Variants in CREBRF observed in about 807,000 individuals in gnomAD.
CREBRF encodes UPF0474 protein C5orf41.
Under a neutral mutation model 66.1 loss-of-function variants are expected in CREBRF, and 5 were observed. The ratio of observed to expected loss-of-function variants is 0.08; its 90% confidence interval spans 0.04 to 0.16. CREBRF has a LOEUF of 0.16. CREBRF is among the 10% of genes least tolerant of loss of function. The pLI, the probability that CREBRF is intolerant of heterozygous loss-of-function variation, is 1.00. For synonymous variants in CREBRF, 229 were observed against 264.4 expected (o/e 0.87, Z 1.30); for missense variants, 531 against 744.9 (o/e 0.71, Z 3.34).
At chr5:173,081,723 C>T (rs1162045162) in intron 2 of CREBRF, among the ~76,000 whole-genome samples, 1 of 152,096 alleles carries the variant, frequency 6.6e-6, no homozygotes, top group African/African-American at 2.4e-5. Flanking sequence ...AGATCAAGAC[C>T]AGCCTGGCGA....
chr5:173,133,781 G>A lies in CREBRF; in HGVS notation c.*36G>A, dbSNP rs199543365. 105 of 1,082,234 alleles carry A rather than the reference G, an allele frequency of 9.7e-5. 1 individual carries two copies. Among genetic ancestry groups the A allele is most frequent in the Non-Finnish European group, 1.3e-4 (95 of 716,850 alleles). The allele number at this position is 1,082,234 out of a possible 1,614,324, so 67.0% of individuals were successfully genotyped here. A position where few individuals can be genotyped will look rare whatever the true frequency, so the allele number is the denominator to read the frequency against. ...TGGACCACTGGTCAGAAATGTCTGC[G>A]TTTTGTCACGTTATCCATTGTAAAT... On this transcript the variant is annotated 3_prime_UTR_variant, in exon 9 of 9. Transcript: ENST00000296953.
chr5:173,105,077 A>C (rs891967089), intron 4 of CREBRF, among the ~76,000 whole-genome samples: 4 of 152,250 alleles, frequency 2.6e-5, no homozygotes, highest in African/African-American at 9.6e-5. Flanking sequence ...TGAGCATTTT[A>C]GTTCGTATAA....
At chr5:173,094,698 G>A (rs745656951) in intron 4 of CREBRF, among the ~76,000 whole-genome samples, 18 of 152,092 alleles carry the variant, frequency 1.2e-4, no homozygotes, top group Non-Finnish European at 2.4e-4. Flanking sequence ...CAGATGTATG[G>A]TTTGCAGATA....
chr5:173,121,400 G>A (rs887477586), intron 7 of CREBRF, among the ~76,000 whole-genome samples: 6 of 150,886 alleles, frequency 4.0e-5, no homozygotes, highest in African/African-American at 1.2e-4. Context: ...TCGGCTCACT[G>A]CAAGCTCCGC....
intron 4 of CREBRF, among the ~76,000 whole-genome samples, chr5:173,095,611 G>C (rs183541907): frequency 1.3e-5 from 2 of 152,164 alleles, no homozygotes; most frequent in East Asian, 3.9e-4. Flanking sequence ...ATGAGTTTTA[G>C]GGTCTTTTTC....
intron 4 of CREBRF, among the ~76,000 whole-genome samples, chr5:173,099,695 T>C (rs1306905792): frequency 1.3e-5 from 2 of 152,134 alleles, no homozygotes; most frequent in Non-Finnish European, 2.9e-5. Context: ...CCTTTTTCTT[T>C]ATCTTTTGTG....
chr5:173,095,400 A>G (rs1344950507), intron 4 of CREBRF, among the ~76,000 whole-genome samples: 4 of 152,020 alleles, frequency 2.6e-5, no homozygotes, highest in African/African-American at 9.7e-5. Flanking sequence ...TGTCTTAGCC[A>G]GGATGGTCTC....
intron 8 of CREBRF, 119 bp from the exon 9 acceptor site, chr5:173,133,511 A>G (rs895352914): frequency 3.9e-5 from 20 of 512,596 alleles, no homozygotes; most frequent in Non-Finnish European, 6.7e-5. Flanking sequence ...CAGGGAATTC[A>G]TTTGGGACCA....
chr5:173,059,298 C>T (rs1757192696), intron 1 of CREBRF, among the ~76,000 whole-genome samples: 3 of 114,510 alleles, frequency 2.6e-5, no homozygotes, highest in Non-Finnish European at 5.3e-5. Flanking sequence ...GAGTTTCGCC[C>T]TTGTCGCCCA....
At chr5:173,094,682 C>T (rs1470632990) in intron 4 of CREBRF, among the ~76,000 whole-genome samples, 1 of 152,088 alleles carries the variant, frequency 6.6e-6, no homozygotes, top group African/African-American at 2.4e-5. Context: ...GATATTAACT[C>T]CTTATCAGAT....
At chr5:173,066,958 G>T (rs387291) in intron 1 of CREBRF, among the ~76,000 whole-genome samples, 73,703 of 151,478 alleles carry the variant, frequency 0.49, 19,068 homozygotes, top group Non-Finnish European at 0.58. Flanking sequence ...GGGACTACAG[G>T]TGCCATCATC....
intron 1 of CREBRF, among the ~76,000 whole-genome samples, chr5:173,074,738 T>A (rs1427938905): frequency 1.3e-5 from 2 of 152,132 alleles, no homozygotes; most frequent in African/African-American, 4.8e-5. Context: ...TTCTCCTGTC[T>A]CAGCTGCCCA....
In CREBRF at chr5:173,100,155, T is replaced by A. The variant is rs919833209; in HGVS notation, c.1223-8469T>A. 1.4e-4 allele frequency among the ~76,000 whole-genome samples: 20 copies of A among 143,186 alleles called. No individual in the cohort carries two copies. In the East Asian group the frequency reaches 3.8e-3, roughly 27 times the overall value. The allele number at this position is 143,186 out of a possible 152,430, so 93.9% of individuals were successfully genotyped here. Reference sequence around the variant, plus strand: ...AATTTTTTTTTTTTTTTTTTTTTTTTAGTAGAGACAGGGTTTCATCATGTT... The same window carrying A: ...AATTTTTTTTTTTTTTTTTTTTTTTAAGTAGAGACAGGGTTTCATCATGTT... On this transcript the variant is annotated intron_variant, in intron 4 of 8. Coordinates refer to ENST00000296953, the MANE Select transcript of CREBRF (RefSeq NM_153607.3).
chr5:173,082,248 C>T (rs1179269156), intron 2 of CREBRF, among the ~76,000 whole-genome samples: 9 of 151,798 alleles, frequency 5.9e-5, no homozygotes, highest in South Asian at 4.1e-4. Flanking sequence ...CTCCTGACCT[C>T]GTGATCCACC....
At chr5:173,061,365 G>C (rs569393562) in intron 1 of CREBRF, among the ~76,000 whole-genome samples, 52 of 152,332 alleles carry the variant, frequency 3.4e-4, no homozygotes, top group African/African-American at 1.2e-3. Flanking sequence ...ACAGTCTCCT[G>C]CCTTGAAGAG....
intron 4 of CREBRF, among the ~76,000 whole-genome samples, chr5:173,097,791 C>T (rs1283692454): frequency 6.6e-6 from 1 of 151,958 alleles, no homozygotes; most frequent in Non-Finnish European, 1.5e-5. Context: ...CTTAATTTAG[C>T]TAAAAGATTG....
chr5:173,089,070 T>C (rs1229916183), intron 3 of CREBRF, among the ~76,000 whole-genome samples: 2 of 150,692 alleles, frequency 1.3e-5, no homozygotes, highest in Non-Finnish European at 2.9e-5. Flanking sequence ...TCTCAGCAAT[T>C]CAGGAGGCTG....
intron 1 of CREBRF, among the ~76,000 whole-genome samples, chr5:173,057,861 T>C (rs1339948740): frequency 2.0e-5 from 3 of 151,308 alleles, no homozygotes; most frequent in Non-Finnish European, 4.4e-5. Flanking sequence ...TTAGGCCCCG[T>C]GCTTGTCCTA....
At chr5:173,094,791 C>G (rs985330572) in intron 4 of CREBRF, among the ~76,000 whole-genome samples, 1 of 152,058 alleles carries the variant, frequency 6.6e-6, no homozygotes, top group Non-Finnish European at 1.5e-5. Flanking sequence ...TTGATGCAAT[C>G]TCATTTGTTT....
Sources: gnomAD v4.1 joint callset for allele counts (sites outside exome capture counted in the v4.1 genomes callset) on GRCh38, gnomAD v4.1.1 for gene constraint, MANE v1.5 for transcripts, NCBI Gene and HGNC (gene_info 2026-07-23, HGNC 2026-07-21) for gene names.